The following NBEA variants were observed in gnomAD, a reference collection of about 807,000 sequenced individuals.
The protein encoded by NBEA is neurobeachin.
NBEA carries 44 observed loss-of-function variants against 343.4 expected under a neutral mutation model. The observed-to-expected ratio is 0.13, with a 90% confidence interval of 0.10 to 0.16. The LOEUF (loss-of-function observed/expected upper bound fraction) is 0.16, where lower values mean the gene tolerates loss of function less well. Among genes scored for constraint, NBEA ranks in the 10% least tolerant of loss-of-function variants. The probability of loss-of-function intolerance (pLI) is 1.00; values close to 1 mark genes in which losing one functional copy is unlikely to be tolerated. For synonymous variants in NBEA, 1,175 were observed against 1,238.7 expected, an observed-to-expected ratio of 0.95 and a Z score of 1.08; for missense variants, 2,555 against 3,631.3, an observed-to-expected ratio of 0.70 and a Z score of 7.62.
intron 41 of NBEA, among the ~76,000 whole-genome samples, chr13:35,528,097 T>C (rs1036622803): frequency 2.0e-5 from 3 of 152,242 alleles, no homozygotes; most frequent in African/African-American, 7.2e-5. Flanking sequence ...TATCCTAATA[T>C]GATCATGTTC....
chr13:34,965,991 A>G (rs777135725), intron 1 of NBEA, among the ~76,000 whole-genome samples: 4 of 152,074 alleles, frequency 2.6e-5, no homozygotes, highest in Non-Finnish European at 5.9e-5. Context: ...AAGAAACACT[A>G]TTACATTAAA....
At chr13:35,296,274 A>G (rs1050038880) in intron 35 of NBEA, among the ~76,000 whole-genome samples, 2 of 151,740 alleles carry the variant, frequency 1.3e-5, no homozygotes, top group African/African-American at 4.8e-5. Context: ...CCAGCTACTC[A>G]GGTGACTGAG....
At chr13:35,527,234 A>G (rs2078022356) in intron 41 of NBEA, among the ~76,000 whole-genome samples, 1 of 152,102 alleles carries the variant, frequency 6.6e-6, no homozygotes, top group Non-Finnish European at 1.5e-5. Flanking sequence ...TCCATGGGTG[A>G]ACGTGGGCAT....
chr13:35,243,073 T>A (rs1239615787), intron 34 of NBEA, among the ~76,000 whole-genome samples: 1 of 151,878 alleles, frequency 6.6e-6, no homozygotes, highest in African/African-American at 2.4e-5. Context: ...AACAAACCTA[T>A]GAATCTATGC....
chr13:34,973,863 G>A (rs73490366), intron 1 of NBEA, among the ~76,000 whole-genome samples: 1 of 152,048 alleles, frequency 6.6e-6, no homozygotes, highest in Non-Finnish European at 1.5e-5. Flanking sequence ...AACCTCCTGC[G>A]TTGCTGGAGT....
At chr13:35,434,314 T>C (rs1209204527) in intron 39 of NBEA, among the ~76,000 whole-genome samples, 1 of 152,058 alleles carries the variant, frequency 6.6e-6, no homozygotes, top group African/African-American at 2.4e-5. Flanking sequence ...AGGTAAGAGG[T>C]GTGATACTAA....
intron 41 of NBEA, among the ~76,000 whole-genome samples, chr13:35,531,220 G>T (rs1233542477): frequency 6.6e-6 from 1 of 152,028 alleles, no homozygotes; most frequent in African/African-American, 2.4e-5. Flanking sequence ...CTTCAGCCAA[G>T]AAATTATTAT....
At chr13:35,340,666 T>G (rs1163794534) in intron 36 of NBEA, among the ~76,000 whole-genome samples, 1 of 152,026 alleles carries the variant, frequency 6.6e-6, no homozygotes, top group Non-Finnish European at 1.5e-5. Flanking sequence ...AAGGAATAAA[T>G]TTAGCCAAAG....
At chr13:35,011,359 A>G (rs1172123123) in intron 1 of NBEA, among the ~76,000 whole-genome samples, 1 of 152,214 alleles carries the variant, frequency 6.6e-6, no homozygotes, top group African/African-American at 2.4e-5. Flanking sequence ...TCATCTATAA[A>G]TTGAGAAAGT....
chr13:35,117,069 A>C (rs2066531605), intron 13 of NBEA, among the ~76,000 whole-genome samples: 1 of 151,946 alleles, frequency 6.6e-6, no homozygotes, highest in African/African-American at 2.4e-5. Flanking sequence ...TGAGAGTGGA[A>C]GACATATTGG....
intron 41 of NBEA, among the ~76,000 whole-genome samples, chr13:35,472,920 G>A (rs1265705357): frequency 6.6e-6 from 1 of 152,092 alleles, no homozygotes; most frequent in East Asian, 1.9e-4. Context: ...ATTGTAATGT[G>A]ATTATTGAAA....
intron 56 of NBEA, among the ~76,000 whole-genome samples, chr13:35,665,845 C>T (rs1266342989): frequency 6.6e-6 from 1 of 152,142 alleles, no homozygotes; most frequent in Non-Finnish European, 1.5e-5. Flanking sequence ...CCAGGCTGGT[C>T]TTTAACTCCT....
intron 48 of NBEA, among the ~76,000 whole-genome samples, chr13:35,619,376 G>A (rs2082878003): frequency 6.6e-6 from 1 of 152,032 alleles, no homozygotes; most frequent in Non-Finnish European, 1.5e-5. Context: ...ACCTATCGGG[G>A]AAAGTCCAGT....
chr13:35,584,613 C>G (rs985654094), intron 46 of NBEA, among the ~76,000 whole-genome samples: 1 of 151,864 alleles, frequency 6.6e-6, no homozygotes, highest in South Asian at 2.1e-4. Flanking sequence ...GATTCTCCTC[C>G]CTCAGCCTCC....
chr13:35,535,310 AGTTTT>A (rs200212490), intron 41 of NBEA, among the ~76,000 whole-genome samples: 4 of 152,282 alleles, frequency 2.6e-5, no homozygotes, highest in East Asian at 1.9e-4. Context: ...TTTTTTGTTT[AGTTTT>A]GTTTTGTTTT....
intron 38 of NBEA, among the ~76,000 whole-genome samples, chr13:35,357,934 T>A (rs749984634): frequency 2.6e-5 from 4 of 152,178 alleles, no homozygotes; most frequent in African/African-American, 2.4e-5. Context: ...GCAAAGACCC[T>A]TTTAAAAATA....
At chr13:35,074,029 C>A (rs1281236700) in intron 10 of NBEA, among the ~76,000 whole-genome samples, 2 of 152,088 alleles carry the variant, frequency 1.3e-5, no homozygotes, top group Middle Eastern at 3.2e-3. Flanking sequence ...ATTTTTGTGA[C>A]TTTTTAAATT....
intron 30 of NBEA, among the ~76,000 whole-genome samples, chr13:35,191,438 A>G (rs1245381395): frequency 6.6e-6 from 1 of 152,124 alleles, no homozygotes; most frequent in Non-Finnish European, 1.5e-5. Flanking sequence ...ATAATATTTA[A>G]TTCCTGAAGT....
chr13:35,372,198 G>T (rs984659176), intron 38 of NBEA, among the ~76,000 whole-genome samples: 2 of 152,130 alleles, frequency 1.3e-5, no homozygotes, highest in African/African-American at 4.8e-5. Context: ...TATGAGTGAT[G>T]GTAATAATAA....
Sources: allele counts gnomAD v4.1 joint callset (sites outside exome capture counted in the v4.1 genomes callset), GRCh38; gene constraint gnomAD v4.1.1; transcripts MANE v1.5; gene names NCBI Gene and HGNC (gene_info 2026-07-23, HGNC 2026-07-21).